Variants in MED12L observed in about 807,000 individuals in gnomAD.
MED12L encodes the protein mediator complex subunit 12L, also known as mediator of RNA polymerase II transcription subunit 12-like protein.
MED12L carries 60 observed loss-of-function variants against 281.3 expected under a neutral mutation model. That is an observed-to-expected ratio of 0.21 (90% CI 0.17 to 0.26). The LOEUF (loss-of-function observed/expected upper bound fraction) is 0.26. Among genes scored for constraint, MED12L ranks in the 10% least tolerant of loss-of-function variants. The probability of loss-of-function intolerance (pLI) is 1.00; values close to 1 mark genes in which losing one functional copy is unlikely to be tolerated. For missense variants in MED12L, 2,146 were observed against 2,680.9 expected, an observed-to-expected ratio of 0.80 and a Z score of 4.41; for synonymous variants, 974 against 987.2, an observed-to-expected ratio of 0.99 and a Z score of 0.25.
chr3:151,397,649 T>C (rs1349544268), intron 39 of MED12L, among the ~76,000 whole-genome samples: 5 of 152,236 alleles, frequency 3.3e-5, no homozygotes, highest in Non-Finnish European at 7.3e-5. Flanking sequence ...TATCTGTTGC[T>C]GGGCACAGTT....
At chr3:151,325,103 G>T (rs1749438187) in intron 16 of MED12L, among the ~76,000 whole-genome samples, 1 of 152,194 alleles carries the variant, frequency 6.6e-6, no homozygotes, top group Non-Finnish European at 1.5e-5. Context: ...GATATGGAAT[G>T]TAAGAAATAA....
At chr3:151,246,541 A>G (rs1735526591) in intron 16 of MED12L, among the ~76,000 whole-genome samples, 2 of 152,192 alleles carry the variant, frequency 1.3e-5, no homozygotes, top group African/African-American at 4.8e-5. Context: ...TATTTAATAA[A>G]TGGTGCTGGG....
chr3:151,423,016 A>AAT (rs56738899), intron 43 of MED12L, among the ~76,000 whole-genome samples: 3,567 of 141,696 alleles, frequency 0.025, 77 homozygotes, highest in Middle Eastern at 0.066. Flanking sequence ...AGATCATAAA[A>AAT]ATATATATAT....
chr3:151,338,041 C>T lies in MED12L; in HGVS notation c.2251-12018C>T, dbSNP rs766333657. On this transcript the variant is annotated intron_variant, in intron 16 of 44. Coordinates refer to ENST00000687756, the MANE Select transcript of MED12L (RefSeq NM_001393769.1). ...AACAGAGTATTTTCAGCAGTGCAGT[C>T]AAAGACATCCCGGGTTTGGCTCAGG... 9 of 1,614,036 alleles carry T rather than the reference C, an allele frequency of 5.6e-6. No homozygotes were observed. The highest frequency in any genetic ancestry group is 1.6e-4 in the Middle Eastern group (1 of 6,062).
Position 151,198,764 on chromosome 3 carries a change from C to T in MED12L, c.2250+5098C>T, listed in dbSNP as rs755118717. On this transcript the variant is annotated intron_variant, in intron 16 of 44. Transcript: ENST00000687756. ...TGGGTAATTTTCATTATCTTTGTTT[C>T]TGTAGAGCTGTCGAATTACAAGGCA... is the stretch of plus-strand genomic sequence containing the variant. 3.1e-6 allele frequency: 5 copies of T among 1,613,738 alleles called. No individual in the cohort carries two copies. The highest frequency in any genetic ancestry group is 1.6e-4 in the Middle Eastern group (1 of 6,062).
intron 5 of MED12L, among the ~76,000 whole-genome samples, chr3:151,144,914 G>C (rs1282495692): frequency 6.6e-6 from 1 of 152,142 alleles, no homozygotes; most frequent in African/African-American, 2.4e-5. Context: ...TCCAGTCTTG[G>C]TTGGAGAGAT....
chr3:151,410,067 A>G (rs998719631), intron 40 of MED12L, among the ~76,000 whole-genome samples: 1 of 152,172 alleles, frequency 6.6e-6, no homozygotes, highest in African/African-American at 2.4e-5. Flanking sequence ...GTTCCTAGCA[A>G]CTTACTAGCT....
chr3:151,338,656 T>G, intron 16 of MED12L: 1 of 1,613,806 alleles, frequency 6.2e-7, no homozygotes, highest in South Asian at 1.1e-5. Flanking sequence ...ACTGTGTTCT[T>G]AAGAAAAATA....
At chr3:151,368,600 AT>A (rs773822835) in intron 25 of MED12L, among the ~76,000 whole-genome samples, 2 of 61,954 alleles carry the variant, frequency 3.2e-5, no homozygotes, top group African/African-American at 1.4e-4. Context: ...ATTTTATTTT[AT>A]TTTATTTTAT....
At chr3:151,385,337 C>T (rs1713149662) in intron 36 of MED12L, 146 bp downstream of exon 36, 2 of 516,382 alleles carry the variant, frequency 3.9e-6, no homozygotes, top group Non-Finnish European at 6.7e-6. Flanking sequence ...TGTACTTAGT[C>T]ATTGGCATTA....
chr3:151,397,064 G>C (rs67886110), intron 39 of MED12L, among the ~76,000 whole-genome samples: 1 of 151,822 alleles, frequency 6.6e-6, no homozygotes, highest in African/African-American at 2.4e-5. Context: ...AATTAATTGT[G>C]ATTTCATTCT....
At chr3:151,091,041 A>AAAAAC (rs1180590970) in intron 2 of MED12L, among the ~76,000 whole-genome samples, 4 of 152,326 alleles carry the variant, frequency 2.6e-5, no homozygotes, top group Admixed American at 6.5e-5. Context: ...ACTGCATCTC[A>AAAAAC]AAAACAAAAC....
chr3:151,134,105 C>T (rs1189509812), intron 5 of MED12L, among the ~76,000 whole-genome samples: 16 of 151,904 alleles, frequency 1.1e-4, no homozygotes, highest in Admixed American at 7.2e-4. Flanking sequence ...AATCAGCTCC[C>T]GATGTGTGCT....
intron 16 of MED12L, among the ~76,000 whole-genome samples, chr3:151,211,043 G>A (rs938678106): frequency 6.6e-5 from 10 of 152,304 alleles, no homozygotes; most frequent in Non-Finnish European, 1.5e-5. Context: ...CTGGGAAGTC[G>A]CTGGGTTAAT....
rs756305241 is a variant in MED12L at position 151,436,639 on chromosome 3, C to A, written c.*3835C>A. ...CCTATGGCTGCCTTTGATTAAACTT[C>A]TTCCAAAAAATAAATTCTGCCCAGA... On this transcript the variant is annotated 3_prime_UTR_variant, in exon 45 of 45. Coordinates refer to ENST00000687756, the MANE Select transcript of MED12L (RefSeq NM_001393769.1). The A allele has an allele frequency of 1.5e-6, 2 of 1,361,724 alleles. No homozygotes were observed. The highest frequency in any genetic ancestry group is 2.0e-6 in the Non-Finnish European group (2 of 991,350). The allele number at this position is 1,361,724 out of a possible 1,614,324, so 84.4% of individuals were successfully genotyped here.
At chr3:151,324,121 A>C (rs1186303705) in intron 16 of MED12L, among the ~76,000 whole-genome samples, 3 of 152,198 alleles carry the variant, frequency 2.0e-5, no homozygotes, top group Non-Finnish European at 4.4e-5. Flanking sequence ...AGTGATGTGC[A>C]CCATGGGCAA....
At chr3:151,109,743 C>G (rs1397074813) in intron 2 of MED12L, among the ~76,000 whole-genome samples, 1 of 152,166 alleles carries the variant, frequency 6.6e-6, no homozygotes, top group Non-Finnish European at 1.5e-5. Context: ...AAAAGTATGT[C>G]TGGATTCATG....
intron 2 of MED12L, among the ~76,000 whole-genome samples, chr3:151,098,871 T>C (rs1721058174): frequency 6.6e-6 from 1 of 152,134 alleles, no homozygotes. Flanking sequence ...GGGTAATTTA[T>C]AAAGAAAAAG....
At chr3:151,214,109 T>C (rs750328136) in intron 16 of MED12L, 14 of 1,613,948 alleles carry the variant, frequency 8.7e-6, no homozygotes. Flanking sequence ...GTCAGGCTCA[T>C]CACAAAGTCA....
Sources: gnomAD v4.1 joint callset for allele counts (sites outside exome capture counted in the v4.1 genomes callset) on GRCh38, gnomAD v4.1.1 for gene constraint, MANE v1.5 for transcripts, NCBI Gene and HGNC (gene_info 2026-07-23, HGNC 2026-07-21) for gene names.